The following SLC30A10 variants were observed in gnomAD, a reference collection of about 807,000 sequenced individuals.
SLC30A10 encodes calcium/manganese antiporter SLC30A10.
In SLC30A10, 8 loss-of-function variants were observed where a neutral mutation model predicts 21.7. That is an observed-to-expected ratio of 0.37 (90% CI 0.22 to 0.67). The LOEUF (loss-of-function observed/expected upper bound fraction) is 0.67. SLC30A10 is among the 30% of genes least tolerant of loss of function. SLC30A10 has a pLI of 0.58. For synonymous variants in SLC30A10, 272 were observed against 279.4 expected, an observed-to-expected ratio of 0.97 and a Z score of 0.26; for missense variants, 521 against 642.5, an observed-to-expected ratio of 0.81 and a Z score of 2.04.
intron 1 of SLC30A10, among the ~76,000 whole-genome samples, chr1:219,944,320 C>T (rs1424922497): frequency 6.6e-6 from 1 of 151,924 alleles, no homozygotes; most frequent in African/African-American, 2.4e-5. Context: ...TGGTGGTGGG[C>T]ACCTTTAGTG....
intron 1 of SLC30A10, among the ~76,000 whole-genome samples, chr1:219,946,744 T>C (rs1660190848): frequency 6.6e-6 from 1 of 151,998 alleles, no homozygotes. Flanking sequence ...GCTCTGCTTG[T>C]AAGAGGATAG....
intron 1 of SLC30A10, among the ~76,000 whole-genome samples, chr1:219,949,651 G>A (rs2647477): frequency 0.85 from 129,268 of 151,950 alleles, 55,398 homozygotes; most frequent in African/African-American, 0.96. Flanking sequence ...CCTAATGCTA[G>A]ATGACGAGTT....
upstream of SLC30A10, chr1:219,928,698 T>C: frequency 2.4e-6 from 1 of 409,688 alleles, no homozygotes; most frequent in Non-Finnish European, 4.3e-6. The surrounding 1 kb of genome is among the most constrained non-coding windows in gnomAD (Gnocchi z 6.3). Flanking sequence ...TTCCCCTCCC[T>C]CGCGGCCTGG....
In SLC30A10 at chr1:219,927,135, G is replaced by A. The variant is rs373420888; in HGVS notation, c.641-30C>T. The A allele has an allele frequency of 6.3e-5, 101 of 1,609,852 alleles. No homozygotes were observed. In the Middle Eastern group the frequency reaches 8.3e-4, roughly 13 times the overall value. ...ATTCAAAGAAGAAACCTTGTGTTGT[G>A]TATAAGTTCTACAAACAAACAAAAA... On this transcript the variant is annotated intron_variant, in intron 1 of 3. Transcript: ENST00000366926.
intron 1 of SLC30A10, among the ~76,000 whole-genome samples, chr1:219,952,901 A>G (rs181529224): frequency 6.6e-6 from 1 of 152,284 alleles, no homozygotes; most frequent in African/African-American, 2.4e-5. Flanking sequence ...ATCTTCCTTT[A>G]ATCTTTCTTA....
chr1:219,911,774 A>G lies in SLC30A10; in HGVS notation c.*3675T>C, dbSNP rs1035018497. Reference sequence around the variant, plus strand: ...GGACTTTGGAGAGGCTTTCATTAACATTGTCCCTAAACTACCCTTAGTTCT... The same window carrying G: ...GGACTTTGGAGAGGCTTTCATTAACGTTGTCCCTAAACTACCCTTAGTTCT... On this transcript the variant is annotated 3_prime_UTR_variant, in exon 4 of 4. Transcript: ENST00000366926. Among the ~76,000 whole-genome samples, 3 of 152,092 alleles carry G rather than the reference A, an allele frequency of 2.0e-5. No individual in the cohort carries two copies. The highest frequency in any genetic ancestry group is 4.4e-5 in the Non-Finnish European group (3 of 68,028).
intron 1 of SLC30A10, among the ~76,000 whole-genome samples, chr1:219,934,645 T>C (rs1266417089): frequency 1.3e-5 from 2 of 152,092 alleles, no homozygotes; most frequent in Non-Finnish European, 2.9e-5. Context: ...ATTTAAGAGA[T>C]TCTTGACTTG....
intron 1 of SLC30A10, among the ~76,000 whole-genome samples, chr1:219,950,092 A>C (rs12731657): frequency 2.6e-5 from 4 of 152,242 alleles, no homozygotes; most frequent in African/African-American, 7.2e-5. Flanking sequence ...AGGTGCAGTA[A>C]TACAAAGTCC....
chr1:219,935,430 AAATGTCCTT>A (rs1660032645), intron 1 of SLC30A10, among the ~76,000 whole-genome samples: 1 of 152,240 alleles, frequency 6.6e-6, no homozygotes, highest in Admixed American at 6.5e-5. Context: ...AGATATTAAT[AAATGTCCTT>A]AACTTTATTT....
At chr1:219,920,096 CA>C (rs1326276315) in intron 2 of SLC30A10, among the ~76,000 whole-genome samples, 9 of 151,864 alleles carry the variant, frequency 5.9e-5, no homozygotes, top group Non-Finnish European at 1.3e-4. Flanking sequence ...AAATTTTCCC[CA>C]AAAAAATACA....
Position 219,915,109 on chromosome 1 carries a change from C to A in SLC30A10, c.*340G>T. 4.1e-6 allele frequency: 1 copy of A among 246,440 alleles called. No individual in the cohort carries two copies. The highest frequency in any genetic ancestry group is 2.2e-5 in the African/African-American group (1 of 44,702). 15.3% of individuals were successfully genotyped at this position (246,440 alleles called of 1,614,324 possible). A position where few individuals can be genotyped will look rare whatever the true frequency, so the allele number is the denominator to read the frequency against. ...CTAGAAGTTCTAATCAGTTTAGAAA[C>A]AAGAACTTCTTTGAACACTGTATCC... On this transcript the variant is annotated 3_prime_UTR_variant, in exon 4 of 4. Coordinates refer to ENST00000366926, the MANE Select transcript of SLC30A10 (RefSeq NM_018713.3).
Position 219,927,913 on chromosome 1 carries a change from C to A in SLC30A10, c.528G>T (p.Pro176=), listed in dbSNP as rs1203002359. Residue 176 remains proline (P), a synonymous_variant, in exon 1 of 4, where the codon CCG becomes CCT. Coordinates refer to ENST00000366926, the MANE Select transcript of SLC30A10 (RefSeq NM_018713.3). ...GGGCTGTCGGGTCCGCCGCGCGCCG[C>A]GGGTCCTCCGCGCCCTGAGGCCCCC... is the stretch of plus-strand genomic sequence containing the variant. ...AFGGPQGAED[P]RRAADPTAPG... 1.3e-6 allele frequency: 2 copies of A among 1,538,438 alleles called. No individual in the cohort carries two copies. Among genetic ancestry groups the A allele is most frequent in the Admixed American group, 4.0e-5 (2 of 49,872 alleles).
chr1:219,928,571 T>A, upstream of SLC30A10: 1 of 697,592 alleles, frequency 1.4e-6, no homozygotes, highest in Non-Finnish European at 2.1e-6. This position sits in a 1 kb window ranked among gnomAD's most constrained non-coding sequence, Gnocchi z 6.3. Context: ...TCGCCGGCCC[T>A]GCCCCACCGC....
intron 2 of SLC30A10, 56 bp downstream of exon 2, chr1:219,926,972 C>A: frequency 7.3e-7 from 1 of 1,378,410 alleles, no homozygotes. Flanking sequence ...AAATAAACAA[C>A]ACAGTCCATG....
chr1:219,922,430 G>A (rs1659719361), intron 2 of SLC30A10, among the ~76,000 whole-genome samples: 1 of 151,840 alleles, frequency 6.6e-6, no homozygotes, highest in Non-Finnish European at 1.5e-5. Flanking sequence ...CAGGACTCTG[G>A]AGAGGAGACA....
At chr1:219,958,824 C>T (rs544631638), upstream of SLC30A10, among the ~76,000 whole-genome samples, 7 of 152,316 alleles carry the variant, frequency 4.6e-5, no homozygotes, top group South Asian at 2.1e-4. Flanking sequence ...TCTTCTTGTG[C>T]TGTTTTATGT....
chr1:219,922,582 G>A (rs1366087004), intron 2 of SLC30A10, among the ~76,000 whole-genome samples: 1 of 152,232 alleles, frequency 6.6e-6, no homozygotes, highest in Middle Eastern at 3.4e-3. Context: ...AGACCCTGAC[G>A]CTGTTGCTAT....
At chr1:219,934,269 C>T (rs1660011723) in intron 1 of SLC30A10, among the ~76,000 whole-genome samples, 1 of 152,072 alleles carries the variant, frequency 6.6e-6, no homozygotes, top group Non-Finnish European at 1.5e-5. Context: ...GCCTGGGCAA[C>T]AGAGCAAAAC....
chr1:219,942,505 G>A (rs369833365), intron 1 of SLC30A10, among the ~76,000 whole-genome samples: 1 of 152,128 alleles, frequency 6.6e-6, no homozygotes, highest in Admixed American at 6.6e-5. Context: ...GTGGACATAG[G>A]GAAAACTACC....
Sources: allele counts gnomAD v4.1 joint callset (sites outside exome capture counted in the v4.1 genomes callset), GRCh38; gene constraint gnomAD v4.1.1; non-coding constraint Gnocchi (gnomAD v3.1); transcripts MANE v1.5; gene names NCBI Gene and HGNC (gene_info 2026-07-23, HGNC 2026-07-21).